Variants in FRMD4A observed in about 807,000 individuals in gnomAD.
The protein encoded by FRMD4A is FERM domain containing 4A.
Under a neutral mutation model 129.1 loss-of-function variants are expected in FRMD4A, and 29 were observed. That is an observed-to-expected ratio of 0.22 (90% CI 0.17 to 0.31). FRMD4A has a LOEUF of 0.31. Ranked by LOEUF, FRMD4A falls within the 10% of genes least tolerant of loss-of-function variation. The pLI, the probability that FRMD4A is intolerant of heterozygous loss-of-function variation, is 1.00. For missense variants in FRMD4A, 1,272 were observed against 1,375.8 expected (o/e 0.92, Z 1.19); for synonymous variants, 634 against 571.6 (o/e 1.11, Z -1.56).
At chr10:13,804,460 C>T (rs751004962) in intron 4 of FRMD4A, among the ~76,000 whole-genome samples, 59 of 152,176 alleles carry the variant, frequency 3.9e-4, no homozygotes, top group Non-Finnish European at 7.1e-4. Flanking sequence ...GACCCAAGCT[C>T]GCTCCCGTGC....
rs527363625 is a variant in FRMD4A, at chr10:13,666,144, A to C, written c.1556T>G (p.Ile519Ser). 1 of 1,613,676 alleles carries C rather than the reference A, an allele frequency of 6.2e-7. No individual in the cohort carries two copies. Among genetic ancestry groups the C allele is most frequent in the Admixed American group, 1.7e-5 (1 of 60,024 alleles). ...CTGGGTGGGTTTCTTCCCAGACTTG[A>C]TGCGGTTCTCATTGATTGCATTTTC... ...EIENAINENR[I>S]KSGKKPTQRA... The change falls in exon 18 of 25, where the codon ATC (isoleucine) becomes AGC (serine). Residue 519 changes from isoleucine to serine, a missense_variant. Physicochemically the swap from Ile to Ser is moderately radical, Grantham distance 142 (BLOSUM62 -2). Transcript: ENST00000357447.
At chr10:13,759,855 G>A (rs1219984645) in intron 8 of FRMD4A, among the ~76,000 whole-genome samples, 1 of 151,906 alleles carries the variant, frequency 6.6e-6, no homozygotes, top group Non-Finnish European at 1.5e-5. Context: ...CCAAAAACTT[G>A]GAGAACTTAA....
intron 2 of FRMD4A, among the ~76,000 whole-genome samples, chr10:13,867,471 G>C (rs1415789715): frequency 6.7e-6 from 1 of 149,720 alleles, no homozygotes; most frequent in African/African-American, 2.5e-5. Context: ...ATGTTGTCCA[G>C]GCTGCTCTTG....
chr10:14,096,775 C>T (rs966198691), intron 2 of FRMD4A, among the ~76,000 whole-genome samples: 1 of 152,134 alleles, frequency 6.6e-6, no homozygotes, highest in Non-Finnish European at 1.5e-5. Flanking sequence ...GGGAACATTA[C>T]AACAATGCAT....
chr10:13,895,420 C>T (rs1564992938), intron 2 of FRMD4A, among the ~76,000 whole-genome samples: 1 of 152,070 alleles, frequency 6.6e-6, no homozygotes, highest in African/African-American at 2.4e-5. Flanking sequence ...TGATCTCATT[C>T]TTTTTTTATG....
intron 6 of FRMD4A, among the ~76,000 whole-genome samples, chr10:13,769,922 C>T (rs1488122764): frequency 1.3e-5 from 2 of 152,166 alleles, no homozygotes; most frequent in Non-Finnish European, 2.9e-5. Context: ...AGTGGACTGA[C>T]ACCACTGGCT....
At chr10:13,774,808 G>T (rs1194952079) in intron 6 of FRMD4A, among the ~76,000 whole-genome samples, 1 of 151,184 alleles carries the variant, frequency 6.6e-6, no homozygotes, top group African/African-American at 2.4e-5. Context: ...AAATAAACTG[G>T]AAAAAAAGAG....
At chr10:14,144,714 C>T (rs1839995009) in intron 2 of FRMD4A, among the ~76,000 whole-genome samples, 1 of 152,088 alleles carries the variant, frequency 6.6e-6, no homozygotes, top group African/African-American at 2.4e-5. Flanking sequence ...CGTCCAGGAG[C>T]TGGCAAGAGA....
intron 2 of FRMD4A, among the ~76,000 whole-genome samples, chr10:14,109,828 C>T (rs186767811): frequency 5.3e-5 from 8 of 151,368 alleles, no homozygotes; most frequent in East Asian, 1.9e-4. Context: ...AAAAATTAGC[C>T]GGGTGTGGTG....
At chr10:14,002,388 C>A (rs957324121) in intron 2 of FRMD4A, among the ~76,000 whole-genome samples, 1 of 152,198 alleles carries the variant, frequency 6.6e-6, no homozygotes, top group African/African-American at 2.4e-5. Context: ...GAGCATTTCG[C>A]TTTCTCCGCT....
chr10:13,700,168 G>T (rs1174194513), intron 14 of FRMD4A, among the ~76,000 whole-genome samples: 1 of 151,446 alleles, frequency 6.6e-6, no homozygotes, highest in East Asian at 1.9e-4. Context: ...GGCTGGTCTG[G>T]AATTCCTGAG....
At chr10:13,778,933 G>A (rs905704874) in intron 6 of FRMD4A, among the ~76,000 whole-genome samples, 1 of 152,278 alleles carries the variant, frequency 6.6e-6, no homozygotes, top group African/African-American at 2.4e-5. Flanking sequence ...CATTCTGCAT[G>A]TGTATCCCAG....
intron 2 of FRMD4A, among the ~76,000 whole-genome samples, chr10:14,192,188 T>C (rs937689080): frequency 6.6e-6 from 1 of 152,222 alleles, no homozygotes; most frequent in African/African-American, 2.4e-5. Flanking sequence ...TATGAAATCA[T>C]TCTTTTGGAT....
At chr10:14,296,877 T>C (rs942593337) in intron 2 of FRMD4A, among the ~76,000 whole-genome samples, 1 of 152,138 alleles carries the variant, frequency 6.6e-6, no homozygotes, top group Non-Finnish European at 1.5e-5. Context: ...CTGTCCTAAC[T>C]TAGTGAAAGG....
chr10:13,776,360 C>T (rs1350662395), intron 6 of FRMD4A, among the ~76,000 whole-genome samples: 4 of 152,208 alleles, frequency 2.6e-5, no homozygotes, highest in Admixed American at 2.6e-4. Flanking sequence ...ATCCTCCCAC[C>T]TCAGCCTCCC....
chr10:13,686,669 G>A (rs187685583), intron 15 of FRMD4A, among the ~76,000 whole-genome samples: 32 of 152,186 alleles, frequency 2.1e-4, no homozygotes, highest in South Asian at 6.2e-4. Flanking sequence ...CAGATTCTTC[G>A]CAATCTTGCT....
At chr10:13,763,687 A>G (rs2092164721) in intron 6 of FRMD4A, among the ~76,000 whole-genome samples, 1 of 152,052 alleles carries the variant, frequency 6.6e-6, no homozygotes. Context: ...CTTTATATTT[A>G]TATTTTTGAA....
At chr10:14,300,116 C>G (rs1325315603) in intron 2 of FRMD4A, among the ~76,000 whole-genome samples, 1 of 151,740 alleles carries the variant, frequency 6.6e-6, no homozygotes, top group Non-Finnish European at 1.5e-5. Context: ...GTATAAAAGC[C>G]CAATAGCTCT....
At chr10:13,860,277 A>G (rs189269098) in intron 2 of FRMD4A, among the ~76,000 whole-genome samples, 67 of 152,376 alleles carry the variant, frequency 4.4e-4, no homozygotes, top group African/African-American at 1.6e-3. Context: ...GTTAAGTGCC[A>G]TAAAAATAAT....
Sources: gnomAD v4.1 joint callset for allele counts (sites outside exome capture counted in the v4.1 genomes callset) on GRCh38, gnomAD v4.1.1 for gene constraint, MANE v1.5 for transcripts, NCBI Gene and HGNC (gene_info 2026-07-23, HGNC 2026-07-21) for gene names.